The following ECPAS variants were observed in gnomAD, a reference collection of about 807,000 sequenced individuals.
The protein encoded by ECPAS is proteasome adapter and scaffold protein ECM29.
ECPAS carries 70 observed loss-of-function variants against 255.1 expected under a neutral mutation model. The ratio of observed to expected loss-of-function variants is 0.27; its 90% CI spans 0.23 to 0.33. The LOEUF is 0.33. Among genes scored for constraint, ECPAS ranks in the 10% least tolerant of loss-of-function variants. The pLI is 1.00. For synonymous variants in ECPAS, 784 were observed against 775.0 expected (o/e 1.01, Z -0.19); for missense variants, 1,817 against 2,206.4 (o/e 0.82, Z 3.54).
At chr9:111,418,624 G>C (rs2098208229) in intron 16 of ECPAS, among the ~76,000 whole-genome samples, 1 of 152,192 alleles carries the variant, frequency 6.6e-6, no homozygotes, top group South Asian at 2.1e-4. Flanking sequence ...AATTCCTTAA[G>C]TTGTCAGAGG....
intron 2 of ECPAS, among the ~76,000 whole-genome samples, chr9:111,466,461 GAAA>G (rs2098279690): frequency 7.5e-6 from 1 of 132,672 alleles, no homozygotes; most frequent in Non-Finnish European, 1.7e-5. Flanking sequence ...TAAAAAAAAA[GAAA>G]GAACAAAAAG....
chr9:111,479,980 CA>C (rs55754008), intron 1 of ECPAS, among the ~76,000 whole-genome samples: 179 of 79,586 alleles, frequency 2.2e-3, no homozygotes, highest in Middle Eastern at 7.4e-3. Context: ...AACTCCGTCT[CA>C]AAAAAAAAAA....
Position 111,373,975 on chromosome 9 carries a change from A to G in ECPAS, c.4174T>C (p.Ser1392Pro). The part of the protein sequence containing the change: ...TQCPQDLTPY[S>P]GKLMSALLSG... ...ACACATCCCTTGACAAACTCACCTG[A>G]GTAAGGTGTTAGGTCCTGAGGACAC... The change falls in exon 39 of 50, where the codon TCA (serine) becomes CCA (proline). Residue 1392 changes from serine (S) to proline (P), a missense_variant. By Grantham distance (74) the Ser-to-Pro change is moderately conservative. Transcript: ENST00000684092. 6.2e-7 allele frequency: 1 copy of G among 1,611,156 alleles called. No individual in the cohort carries two copies. The highest frequency in any genetic ancestry group is 8.5e-7 in the Non-Finnish European group (1 of 1,177,320).
chr9:111,465,424 G>A (rs564958743), intron 2 of ECPAS, among the ~76,000 whole-genome samples: 51 of 151,478 alleles, frequency 3.4e-4, no homozygotes, highest in African/African-American at 1.1e-3. Context: ...CCTGTAATCC[G>A]AGCTACTCGG....
intron 21 of ECPAS, among the ~76,000 whole-genome samples, chr9:111,411,488 A>G (rs1423049422): frequency 6.6e-6 from 1 of 152,224 alleles, no homozygotes. Flanking sequence ...CTAGAATATC[A>G]TAACTTTCAC....
chr9:111,473,732 CGAG>C (rs926999427), intron 1 of ECPAS, among the ~76,000 whole-genome samples: 2 of 152,136 alleles, frequency 1.3e-5, no homozygotes, highest in Non-Finnish European at 2.9e-5. Flanking sequence ...TCTGAGAGGC[CGAG>C]GAGGGCAGAT....
chr9:111,446,047 T>A (rs925011396), intron 3 of ECPAS, among the ~76,000 whole-genome samples: 4 of 152,242 alleles, frequency 2.6e-5, no homozygotes, highest in Non-Finnish European at 5.9e-5. Flanking sequence ...ATGGTGTATA[T>A]GTGCCACATT....
At chr9:111,455,688 G>C (rs2098266075) in intron 2 of ECPAS, among the ~76,000 whole-genome samples, 1 of 152,160 alleles carries the variant, frequency 6.6e-6, no homozygotes, top group Non-Finnish European at 1.5e-5. Context: ...TTAGGAAGAA[G>C]GTACCAACAT....
intron 46 of ECPAS, among the ~76,000 whole-genome samples, chr9:111,367,559 G>A: frequency 6.6e-6 from 1 of 151,990 alleles, no homozygotes; most frequent in East Asian, 1.9e-4. Flanking sequence ...CATATTAGTG[G>A]ACTTCCATGG....
intron 16 of ECPAS, among the ~76,000 whole-genome samples, chr9:111,419,166 G>C (rs866050364): frequency 7.2e-5 from 11 of 152,156 alleles, no homozygotes; most frequent in African/African-American, 2.7e-4. Context: ...AAGTTTATGG[G>C]CAAGGGTGTT....
intron 8 of ECPAS, among the ~76,000 whole-genome samples, chr9:111,432,789 TCTC>T (rs1331107927): frequency 1.8e-4 from 28 of 152,348 alleles, no homozygotes; most frequent in African/African-American, 6.5e-4. Flanking sequence ...CCTATCTGTA[TCTC>T]CTCGTGTGTG....
At chr9:111,453,571 A>C (rs567848177) in intron 2 of ECPAS, among the ~76,000 whole-genome samples, 12 of 152,332 alleles carry the variant, frequency 7.9e-5, no homozygotes, top group Non-Finnish European at 1.6e-4. Flanking sequence ...CTTCTTTAGA[A>C]TACAAAAAGG....
chr9:111,427,141 A>C (rs1188703903), intron 10 of ECPAS, among the ~76,000 whole-genome samples: 1 of 147,830 alleles, frequency 6.8e-6, no homozygotes, highest in Admixed American at 6.8e-5. Flanking sequence ...CCTGAGCAAC[A>C]CAGTGAGACC....
At chr9:111,394,439 G>C in intron 25 of ECPAS, 134 bp from the exon 26 acceptor site, 1 of 761,782 alleles carries the variant, frequency 1.3e-6, no homozygotes, top group Non-Finnish European at 1.9e-6. Context: ...GGTGTTTAAA[G>C]TTGCTGAAGG....
chr9:111,384,483 C>G (rs2098144794), intron 34 of ECPAS, 39 bp downstream of exon 34: 1 of 1,576,984 alleles, frequency 6.3e-7, no homozygotes, highest in Non-Finnish European at 8.7e-7. Flanking sequence ...ACCCAGAACC[C>G]TGCTCCACTC....
chr9:111,407,403 GAAAAAAAAAAAAAAA>G (rs1161790026), intron 24 of ECPAS, among the ~76,000 whole-genome samples: 27 of 12,072 alleles, frequency 2.2e-3, no homozygotes, highest in Admixed American at 5.4e-3. Flanking sequence ...CTCCATCTCA[GAAAAAAAAAAAAAAA>G]AAAAAAAAAA....
At chr9:111,480,789 G>A (rs1422599909) in intron 1 of ECPAS, among the ~76,000 whole-genome samples, 2 of 152,184 alleles carry the variant, frequency 1.3e-5, no homozygotes, top group South Asian at 4.1e-4. Flanking sequence ...TGTGGCTGAT[G>A]ACTGACAATT....
intron 3 of ECPAS, among the ~76,000 whole-genome samples, chr9:111,446,593 A>G (rs1033725403): frequency 6.7e-6 from 1 of 148,388 alleles, no homozygotes; most frequent in African/African-American, 2.5e-5. Context: ...ATGTTTGTTG[A>G]ATGAATGATA....
intron 17 of ECPAS, 77 bp from the exon 18 acceptor site, chr9:111,416,429 CTG>C (rs2131756120): frequency 1.9e-6 from 2 of 1,039,592 alleles, no homozygotes; most frequent in African/African-American, 1.6e-5. Flanking sequence ...TCAAAAACAA[CTG>C]TGTTTCTAGC....
Sources: allele counts gnomAD v4.1 joint callset (sites outside exome capture counted in the v4.1 genomes callset), GRCh38; gene constraint gnomAD v4.1.1; transcripts MANE v1.5; gene names NCBI Gene and HGNC (gene_info 2026-07-23, HGNC 2026-07-21).